The following ITGB1 variants were observed in gnomAD, a reference collection of about 807,000 sequenced individuals.
The protein encoded by ITGB1 is integrin beta-1.
In ITGB1, 24 loss-of-function variants were observed where a neutral mutation model predicts 86.5. That is an observed-to-expected ratio of 0.28 (90% CI 0.20 to 0.39). The LOEUF (loss-of-function observed/expected upper bound fraction) is 0.39, where lower values mean the gene tolerates loss of function less well. ITGB1 is among the 10% of genes least tolerant of loss of function. ITGB1 has a pLI of 1.00. For missense variants in ITGB1, 556 were observed against 946.9 expected (o/e 0.59, Z 5.42); for synonymous variants, 323 against 316.8 (o/e 1.02, Z -0.21).
At chr10:32,917,644 T>C (rs1208792108) in intron 11 of ITGB1, among the ~76,000 whole-genome samples, 1 of 152,156 alleles carries the variant, frequency 6.6e-6, no homozygotes, top group African/African-American at 2.4e-5. Context: ...CACAATGAGA[T>C]ACCATCTCAC....
Position 32,920,255 on chromosome 10 carries a change from A to G in ITGB1, c.1259T>C (p.Ile420Thr), listed in dbSNP as rs1298122818. 3.1e-6 allele frequency: 5 copies of G among 1,613,538 alleles called. No individual in the cohort carries two copies. The highest frequency in any genetic ancestry group is 3.4e-6 in the Non-Finnish European group (4 of 1,179,656). The stretch of plus-strand genomic sequence containing the variant: ...CTTTATACAACATACCTCATCTCCA[A>G]TGGAAATATTGGAACATTTTCTTCC... ...ENGRKCSNIS[I>T]GDEVQFEISI... The change falls in exon 10 of 16, where the codon ATT (isoleucine) becomes ACT (threonine). Residue 420 changes from isoleucine (I) to threonine (T), a missense_variant. Physicochemically the swap from Ile to Thr is moderately conservative, Grantham distance 89 (BLOSUM62 -1). This residue lies in a region of ITGB1 where 330 missense variants were observed against 531.5 expected (regional missense o/e 0.62). Transcript: ENST00000302278.
At chr10:32,921,372 T>A (rs2094949358) in intron 9 of ITGB1, among the ~76,000 whole-genome samples, 1 of 152,110 alleles carries the variant, frequency 6.6e-6, no homozygotes, top group African/African-American at 2.4e-5. Flanking sequence ...AAAACCTTTA[T>A]AAAAACCCCT....
Position 32,932,715 on chromosome 10 carries a change from C to T in ITGB1, c.68-115G>A, listed in dbSNP as rs1239163534. ...ATATGTTAAATATTAATACTATGAC[C>T]TAGTTACCATCTAAACTAGACCTTC... On this transcript the variant is annotated intron_variant, in intron 2 of 15. Coordinates refer to ENST00000302278, the MANE Select transcript of ITGB1 (RefSeq NM_002211.4). The T allele has an allele frequency of 6.3e-6, 4 of 631,362 alleles. No homozygotes were observed. In the Admixed American group the frequency reaches 1.0e-4, roughly 16 times the overall value. The allele number at this position is 631,362 out of a possible 1,614,324, so 39.1% of individuals were successfully genotyped here. A position where few individuals can be genotyped will look rare whatever the true frequency, so the allele number is the denominator to read the frequency against.
intron 1 of ITGB1, among the ~76,000 whole-genome samples, chr10:32,957,600 G>A (rs939660937): frequency 2.0e-5 from 3 of 151,850 alleles, no homozygotes; most frequent in African/African-American, 7.3e-5. Context: ...CCTCCTGGCA[G>A]CCGGAGGAGA....
intron 4 of ITGB1, 65 bp from the exon 5 acceptor site, chr10:32,928,329 C>A (rs987777596): frequency 5.6e-6 from 4 of 715,714 alleles, no homozygotes; most frequent in Non-Finnish European, 9.9e-6. Context: ...ACGAGAAAAA[C>A]CAAATAAATG....
intron 12 of ITGB1, 92 bp downstream of exon 12, chr10:32,911,793 AC>A (rs1171518417): frequency 7.1e-6 from 10 of 1,411,774 alleles, no homozygotes; most frequent in Non-Finnish European, 9.9e-6. Flanking sequence ...CCCTCAAGCT[AC>A]CCCTTTTCTA....
At chr10:32,957,775 C>G (rs1593894235) in intron 1 of ITGB1, 1 of 152,328 alleles carries the variant, frequency 6.6e-6, no homozygotes, top group African/African-American at 2.4e-5. Context: ...TTGCCCAGCC[C>G]GGCGGGAGAC....
intron 11 of ITGB1, among the ~76,000 whole-genome samples, chr10:32,912,717 T>C (rs1382821171): frequency 6.6e-6 from 1 of 152,234 alleles, no homozygotes; most frequent in Non-Finnish European, 1.5e-5. Context: ...CCTGCCTCTG[T>C]AGACAACACC....
intron 1 of ITGB1, among the ~76,000 whole-genome samples, chr10:32,956,722 C>G (rs2095053032): frequency 6.6e-6 from 1 of 152,064 alleles, no homozygotes; most frequent in South Asian, 2.1e-4. Flanking sequence ...ACGAAATAAC[C>G]TAGTAATTCT....
Position 32,919,995 on chromosome 10 carries a change from T to C in ITGB1, c.1359A>G (p.Glu453=), listed in dbSNP as rs778171708. The C allele has an allele frequency of 1.9e-6, 3 of 1,613,974 alleles. No homozygotes were observed. Among genetic ancestry groups the C allele is most frequent in the South Asian group, 1.1e-5 (1 of 91,082 alleles). Residue 453 remains glutamate (E), a synonymous_variant, in exon 11 of 16, where the codon GAA becomes GAG. Transcript: ENST00000302278. The part of the protein sequence containing the change: ...FKIRPLGFTE[E]VEVILQYICE... Reference sequence around the variant, plus strand: ...AGATGTACTGAAGAATAACCTCTACTTCCTCCGTAAAGCCCAGAGGCCTAA... The same window carrying C: ...AGATGTACTGAAGAATAACCTCTACCTCCTCCGTAAAGCCCAGAGGCCTAA...
At position 32,911,662 on chromosome 10, in the gene ITGB1, C is replaced by T. The variant is rs777117359; in HGVS notation, c.1717G>A (p.Val573Ile). 1 of 1,614,010 alleles carries T rather than the reference C, an allele frequency of 6.2e-7. No homozygotes were observed. The highest frequency in any genetic ancestry group is 2.2e-5 in the East Asian group (1 of 44,890). ...SNGLICGGNG[V>I]CKCRVCECNP... ...CACTCACACACACGACACTTGCAAA[C>T]ACCATTTCCTGCAATTAAGCATATC... The change falls in exon 13 of 16, where the codon GTT (valine) becomes ATT (isoleucine). Residue 573 changes from valine to isoleucine, a missense_variant. Physicochemically the swap from Val to Ile is conservative, Grantham distance 29. Coordinates refer to ENST00000302278, the MANE Select transcript of ITGB1 (RefSeq NM_002211.4).
At chr10:32,921,895 A>G (rs1048066693) in intron 9 of ITGB1, among the ~76,000 whole-genome samples, 15 of 152,330 alleles carry the variant, frequency 9.8e-5, no homozygotes, top group African/African-American at 3.6e-4. Context: ...TCATCAGAAT[A>G]GATGACTCTA....
chr10:32,940,302 G>A (rs1001785520), intron 1 of ITGB1, among the ~76,000 whole-genome samples: 84 of 147,584 alleles, frequency 5.7e-4, no homozygotes, highest in African/African-American at 1.9e-3. Flanking sequence ...CCAAAATTGC[G>A]CCACTGCACT....
intron 1 of ITGB1, among the ~76,000 whole-genome samples, chr10:32,955,895 A>T (rs1248312672): frequency 6.6e-6 from 1 of 152,208 alleles, no homozygotes; most frequent in Non-Finnish European, 1.5e-5. Context: ...TTTAATATAG[A>T]ACTTTACATT....
rs373768193 is a variant in ITGB1, at chr10:32,921,734, T to C, written c.1128+523A>G. Among the ~76,000 whole-genome samples, 8 of 152,324 alleles carry C rather than the reference T, an allele frequency of 5.3e-5. No homozygotes were observed. In the East Asian group the frequency reaches 1.5e-3, roughly 29 times the overall value. Reference sequence around the variant, plus strand: ...GGGGAAAACAACACTATAAATCTTTTTGAAATAGGCAAATCACATGTATAT... The same window carrying C: ...GGGGAAAACAACACTATAAATCTTTCTGAAATAGGCAAATCACATGTATAT... On this transcript the variant is annotated intron_variant, in intron 9 of 15. Coordinates refer to ENST00000302278, the MANE Select transcript of ITGB1 (RefSeq NM_002211.4).
intron 1 of ITGB1, among the ~76,000 whole-genome samples, chr10:32,945,716 T>A (rs1452811221): frequency 6.6e-6 from 1 of 152,208 alleles, no homozygotes; most frequent in African/African-American, 2.4e-5. Context: ...AATGCCACAT[T>A]TCTAGCATTG....
At chr10:32,923,810 A>T in intron 6 of ITGB1, 70 bp from the exon 7 acceptor site, 1 of 1,248,372 alleles carries the variant, frequency 8.0e-7, no homozygotes, top group Non-Finnish European at 1.1e-6. Flanking sequence ...TTTAATTTTC[A>T]TATAGGCCAC....
intron 1 of ITGB1, among the ~76,000 whole-genome samples, chr10:32,949,907 TA>T (rs1254784143): frequency 2.0e-5 from 3 of 152,136 alleles, no homozygotes; most frequent in Non-Finnish European, 4.4e-5. Context: ...TTGTAGAAAT[TA>T]AACAACTACA....
chr10:32,940,955 G>C (rs1427274855), intron 1 of ITGB1, among the ~76,000 whole-genome samples: 1 of 152,146 alleles, frequency 6.6e-6, no homozygotes, highest in Non-Finnish European at 1.5e-5. Flanking sequence ...AAGGGTCACT[G>C]CTTCAGGGAA....
Sources: gnomAD v4.1 joint callset for allele counts (sites outside exome capture counted in the v4.1 genomes callset) on GRCh38, gnomAD v4.1.1 for gene constraint, gnomAD v4.1.1 regional missense constraint, MANE v1.5 for transcripts, NCBI Gene and HGNC (gene_info 2026-07-23, HGNC 2026-07-21) for gene names.